Variants in DYM observed in about 807,000 individuals in gnomAD.
DYM encodes dyggve-Melchior-Clausen syndrome protein.
DYM carries 78 observed loss-of-function variants against 93.1 expected under a neutral mutation model. The observed-to-expected ratio is 0.84, with a 90% CI of 0.70 to 1.01. The LOEUF is 1.01. Ranked by LOEUF, DYM falls within the 50% of genes least tolerant of loss-of-function variation. DYM has a pLI of 0.00. For missense variants in DYM, 789 were observed against 845.0 expected (o/e 0.93, Z 0.82); for synonymous variants, 321 against 319.7 (o/e 1.00, Z -0.04).
intron 8 of DYM, among the ~76,000 whole-genome samples, chr18:49,314,505 A>G (rs1002007226): frequency 6.6e-6 from 1 of 152,236 alleles, no homozygotes; most frequent in Non-Finnish European, 1.5e-5. Flanking sequence ...TGTGTTAAAG[A>G]GTAGATACAT....
intron 14 of DYM, among the ~76,000 whole-genome samples, chr18:49,183,649 C>T (rs993969239): frequency 1.3e-5 from 2 of 152,044 alleles, no homozygotes; most frequent in Non-Finnish European, 1.5e-5. Flanking sequence ...TGATGCCTAG[C>T]GTAGTGCCTG....
At chr18:49,092,422 CCTT>C (rs2079130006) in intron 17 of DYM, among the ~76,000 whole-genome samples, 1 of 152,212 alleles carries the variant, frequency 6.6e-6, no homozygotes, top group Non-Finnish European at 1.5e-5. Context: ...TGTCTCCACT[CCTT>C]CTTCCAGAAC....
intron 2 of DYM, among the ~76,000 whole-genome samples, chr18:49,413,523 G>GA (rs1600064018): frequency 1.3e-5 from 2 of 152,116 alleles, no homozygotes; most frequent in East Asian, 3.9e-4. Context: ...TATCATGTAA[G>GA]AAAAATCCCT....
At chr18:49,255,761 T>A (rs1272503167) in intron 13 of DYM, among the ~76,000 whole-genome samples, 1 of 151,908 alleles carries the variant, frequency 6.6e-6, no homozygotes, top group East Asian at 1.9e-4. Context: ...GGGGTTCTAT[T>A]TGAGACCTAC....
chr18:49,123,022 C>T (rs2082517429), intron 15 of DYM, among the ~76,000 whole-genome samples: 1 of 152,174 alleles, frequency 6.6e-6, no homozygotes, highest in African/African-American at 2.4e-5. Context: ...AGTTCTCTCT[C>T]ACAGTCATGT....
intron 17 of DYM, among the ~76,000 whole-genome samples, chr18:49,080,207 G>A (rs1166576298): frequency 8.7e-6 from 1 of 114,994 alleles, no homozygotes; most frequent in Non-Finnish European, 1.9e-5. Flanking sequence ...CCGGGTGGGG[G>A]GCTGACCCCC....
chr18:49,255,731 G>A (rs994299526), intron 13 of DYM, among the ~76,000 whole-genome samples: 40 of 150,466 alleles, frequency 2.7e-4, no homozygotes, highest in Non-Finnish European at 4.4e-4. Flanking sequence ...AAGAATTAAA[G>A]GAAACAATAT....
intron 8 of DYM, among the ~76,000 whole-genome samples, chr18:49,322,566 T>G (rs1447114306): frequency 6.6e-6 from 1 of 151,994 alleles, no homozygotes; most frequent in East Asian, 1.9e-4. Context: ...TCAACATATT[T>G]CTTTCATCAT....
rs1314059270 is a variant in DYM at position 49,176,293 on chromosome 18, CA to C, written c.1626-12507del. 1.4e-4 allele frequency among the ~76,000 whole-genome samples: 21 copies of C among 152,148 alleles called. No homozygotes were observed. In the South Asian group the frequency reaches 2.1e-3, roughly 15 times the overall value. ...ATATACACTCTGGTAACTATACTAC[CA>C]AATTTATAAGAGACTGAAATAAGAG... On this transcript the variant is annotated intron_variant, in intron 14 of 17. Coordinates refer to ENST00000675505, the MANE Select transcript of DYM (RefSeq NM_001353214.3).
At chr18:49,172,562 T>G (rs1374322269) in intron 14 of DYM, among the ~76,000 whole-genome samples, 2 of 152,204 alleles carry the variant, frequency 1.3e-5, no homozygotes, top group African/African-American at 4.8e-5. Flanking sequence ...TGGTGAAGTG[T>G]CTATTCAAAT....
intron 3 of DYM, among the ~76,000 whole-genome samples, chr18:49,391,230 G>A (rs112045170): frequency 0.011 from 1,743 of 152,230 alleles, 32 homozygotes; most frequent in African/African-American, 0.04. Context: ...AAGTTGTTAT[G>A]GAAACTTCCT....
At chr18:49,317,670 TTCCTTCCTTCCTTCCTTC>T (rs2062106916) in intron 8 of DYM, among the ~76,000 whole-genome samples, 8 of 120,406 alleles carry the variant, frequency 6.6e-5, no homozygotes, top group African/African-American at 2.5e-4. Context: ...CCTTCCTTCC[TTCCTTCCTTCCTTCCTTC>T]CTTTCTTTCT....
intron 8 of DYM, among the ~76,000 whole-genome samples, chr18:49,289,774 C>T (rs7242584): frequency 0.027 from 984 of 36,948 alleles, 32 homozygotes; most frequent in African/African-American, 0.064. Flanking sequence ...TATATATATA[C>T]ACATATATAT....
chr18:49,107,082 T>G (rs1480916650), intron 16 of DYM, among the ~76,000 whole-genome samples: 1 of 152,228 alleles, frequency 6.6e-6, no homozygotes, highest in Non-Finnish European at 1.5e-5. Flanking sequence ...TAGTCCCATA[T>G]TTCTTGGAGG....
chr18:49,271,748 T>C (rs980202986), intron 11 of DYM, among the ~76,000 whole-genome samples: 4 of 151,886 alleles, frequency 2.6e-5, no homozygotes, highest in Non-Finnish European at 2.9e-5. Context: ...GGACCAAAAT[T>C]TAAAAAGTTA....
At chr18:49,219,460 G>T (rs1195844052) in intron 13 of DYM, among the ~76,000 whole-genome samples, 2 of 152,060 alleles carry the variant, frequency 1.3e-5, no homozygotes. Context: ...CCAAAAAAGA[G>T]AATTTTAGAC....
chr18:49,220,253 G>C (rs1221263715), intron 13 of DYM, among the ~76,000 whole-genome samples: 1 of 150,850 alleles, frequency 6.6e-6, no homozygotes, highest in South Asian at 2.1e-4. Flanking sequence ...TGAAATAAAA[G>C]AGGATACAAA....
chr18:49,145,134 T>TAA (rs1555778610), intron 15 of DYM, among the ~76,000 whole-genome samples: 2,391 of 79,526 alleles, frequency 0.03, 282 homozygotes, highest in African/African-American at 0.089. Context: ...TATATATATA[T>TAA]AATTTATATA....
intron 13 of DYM, 30 bp downstream of exon 13, chr18:49,256,980 A>G (rs1195547261): frequency 1.9e-6 from 3 of 1,567,800 alleles, no homozygotes; most frequent in Non-Finnish European, 2.6e-6. Context: ...CCAGAGGCAA[A>G]TCAGTATTTC....
Sources: allele counts gnomAD v4.1 joint callset (sites outside exome capture counted in the v4.1 genomes callset), GRCh38; gene constraint gnomAD v4.1.1; transcripts MANE v1.5; gene names NCBI Gene and HGNC (gene_info 2026-07-23, HGNC 2026-07-21).